LRRC4C: variants seen among roughly 807,000 people sequenced by gnomAD.
LRRC4C encodes the protein leucine rich repeat containing 4C.
A neutral mutation model predicts 33.6 loss-of-function variants in LRRC4C; 5 were observed. That is an observed-to-expected ratio of 0.15 (90% CI 0.08 to 0.31). The LOEUF (loss-of-function observed/expected upper bound fraction) is 0.31. LRRC4C is among the 10% of genes least tolerant of loss of function. The pLI is 1.00. For missense variants in LRRC4C, 560 were observed against 796.7 expected, an observed-to-expected ratio of 0.70 and a Z score of 3.58; for synonymous variants, 329 against 302.0, an observed-to-expected ratio of 1.09 and a Z score of -0.93.
intron 2 of LRRC4C, among the ~76,000 whole-genome samples, chr11:40,740,787 T>C (rs952237792): frequency 2.0e-5 from 3 of 152,070 alleles, no homozygotes; most frequent in Non-Finnish European, 4.4e-5. Flanking sequence ...AAGCTTCTGA[T>C]TCACTTTGAG....
intron 1 of LRRC4C, among the ~76,000 whole-genome samples, chr11:41,414,464 T>C (rs1331532206): frequency 6.6e-6 from 1 of 152,132 alleles, no homozygotes; most frequent in Non-Finnish European, 1.5e-5. Context: ...ATCAACAACT[T>C]GTGATTCTCT....
intron 3 of LRRC4C, among the ~76,000 whole-genome samples, chr11:40,630,375 T>C (rs372121378): frequency 2.7e-5 from 3 of 109,546 alleles, no homozygotes; most frequent in East Asian, 2.3e-4. Context: ...CTTCTTCTTC[T>C]TCTTCTTCTT....
intron 2 of LRRC4C, among the ~76,000 whole-genome samples, chr11:40,837,004 C>T (rs902735775): frequency 1.3e-5 from 2 of 152,106 alleles, no homozygotes; most frequent in African/African-American, 4.8e-5. Flanking sequence ...TTGTTTTTGC[C>T]AGCTTCCATT....
At chr11:41,242,689 T>G (rs1296210514) in intron 1 of LRRC4C, among the ~76,000 whole-genome samples, 1 of 152,166 alleles carries the variant, frequency 6.6e-6, no homozygotes, top group Non-Finnish European at 1.5e-5. Flanking sequence ...ATTGATATTT[T>G]TATTACTTCA....
intron 3 of LRRC4C, among the ~76,000 whole-genome samples, chr11:40,526,093 G>C (rs566960526): frequency 6.6e-6 from 1 of 151,680 alleles, no homozygotes; most frequent in Non-Finnish European, 1.5e-5. Flanking sequence ...AAAGTACTAG[G>C]TGTAGTTTTA....
intron 3 of LRRC4C, among the ~76,000 whole-genome samples, chr11:40,610,444 T>G (rs1591268467): frequency 6.6e-6 from 1 of 151,814 alleles, no homozygotes; most frequent in East Asian, 1.9e-4. Flanking sequence ...GAAGGAAAGC[T>G]TTTCCTCTGA....
chr11:41,336,307 C>T (rs936324470), intron 1 of LRRC4C, among the ~76,000 whole-genome samples: 4 of 149,502 alleles, frequency 2.7e-5, no homozygotes, highest in African/African-American at 9.9e-5. Context: ...TAATCTACAA[C>T]AATGAAAAGG....
At chr11:40,597,043 T>A (rs1959404039) in intron 3 of LRRC4C, among the ~76,000 whole-genome samples, 1 of 152,204 alleles carries the variant, frequency 6.6e-6, no homozygotes, top group African/African-American at 2.4e-5. Flanking sequence ...TATTGATTAT[T>A]GAACATATAG....
intron 1 of LRRC4C, among the ~76,000 whole-genome samples, chr11:41,283,083 G>A (rs1949720999): frequency 6.6e-6 from 1 of 152,072 alleles, no homozygotes; most frequent in South Asian, 2.1e-4. Context: ...ACTTTGGGAG[G>A]ACAATTAGAA....
chr11:41,120,092 C>T (rs1246448499), intron 1 of LRRC4C, among the ~76,000 whole-genome samples: 2 of 152,060 alleles, frequency 1.3e-5, no homozygotes, highest in African/African-American at 4.8e-5. Context: ...CAACTTCTAG[C>T]AGAGATCTGG....
intron 1 of LRRC4C, among the ~76,000 whole-genome samples, chr11:41,120,288 T>C (rs150366747): frequency 3.3e-5 from 5 of 152,332 alleles, no homozygotes; most frequent in African/African-American, 9.6e-5. Context: ...AAAAACCATC[T>C]GTCCATCCAA....
At chr11:41,447,412 T>C (rs1056629597) in intron 1 of LRRC4C, among the ~76,000 whole-genome samples, 7 of 152,172 alleles carry the variant, frequency 4.6e-5, no homozygotes, top group African/African-American at 7.2e-5. Context: ...TAAAACCCCA[T>C]GAAAAATAAT....
In LRRC4C at chr11:40,484,723, T is replaced by C. The variant is rs1055426013; in HGVS notation, c.-270+163419A>G. On this transcript the variant is annotated intron_variant, in intron 3 of 6. Transcript: ENST00000528697. ...TCCTAAATGTATATAAAATTTCTAA[T>C]GTATCAATGGAAAAAAAGAATTATT... Among the ~76,000 whole-genome samples, 11 of 152,204 alleles carry C rather than the reference T, an allele frequency of 7.2e-5. No individual in the cohort carries two copies. In the East Asian group the frequency reaches 1.7e-3, roughly 24 times the overall value.
intron 1 of LRRC4C, among the ~76,000 whole-genome samples, chr11:41,389,983 A>C (rs1286462952): frequency 6.6e-6 from 1 of 151,930 alleles, no homozygotes; most frequent in Non-Finnish European, 1.5e-5. Context: ...CTATGGTTAC[A>C]CAGGACATAC....
intron 1 of LRRC4C, among the ~76,000 whole-genome samples, chr11:41,230,419 T>A (rs906605594): frequency 6.6e-6 from 1 of 152,120 alleles, no homozygotes; most frequent in East Asian, 1.9e-4. Flanking sequence ...CTACCTTCAG[T>A]GGAGAGGCAA....
chr11:40,687,745 T>C (rs1027592495), intron 2 of LRRC4C, among the ~76,000 whole-genome samples: 1 of 152,136 alleles, frequency 6.6e-6, no homozygotes, highest in African/African-American at 2.4e-5. Context: ...ATATTAAATG[T>C]GATAAAATAA....
intron 1 of LRRC4C, among the ~76,000 whole-genome samples, chr11:41,129,208 C>T (rs1457363990): frequency 6.6e-6 from 1 of 151,790 alleles, no homozygotes; most frequent in Non-Finnish European, 1.5e-5. Context: ...TTAGGTCTCT[C>T]GTTCTTAAGT....
intron 1 of LRRC4C, among the ~76,000 whole-genome samples, chr11:41,296,446 C>G (rs905237234): frequency 6.6e-6 from 1 of 151,972 alleles, no homozygotes; most frequent in African/African-American, 2.4e-5. Context: ...TCCTGAGTAT[C>G]TGGGATTACA....
intron 1 of LRRC4C, among the ~76,000 whole-genome samples, chr11:41,045,243 G>A (rs1265966953): frequency 1.3e-5 from 2 of 152,006 alleles, no homozygotes; most frequent in East Asian, 3.9e-4. Context: ...TGTTGGTGAG[G>A]AAACTGAGAC....
Sources: gnomAD v4.1 joint callset for allele counts (sites outside exome capture counted in the v4.1 genomes callset) on GRCh38, gnomAD v4.1.1 for gene constraint, MANE v1.5 for transcripts, NCBI Gene and HGNC (gene_info 2026-07-23, HGNC 2026-07-21) for gene names.